CELSR1: variants seen among roughly 807,000 people sequenced by gnomAD.
CELSR1 encodes cadherin EGF LAG seven-pass G-type receptor 1.
A neutral mutation model predicts 249.1 loss-of-function variants in CELSR1; 110 were observed. That is an observed-to-expected ratio of 0.44 (90% CI 0.38 to 0.52). The LOEUF is 0.52. CELSR1 is among the 20% of genes least tolerant of loss of function. The probability of loss-of-function intolerance (pLI) is 0.00; values close to 1 mark genes in which losing one functional copy is unlikely to be tolerated. For missense variants in CELSR1, 4,109 were observed against 4,296.4 expected (o/e 0.96, Z 1.22); for synonymous variants, 2,113 against 1,900.0 (o/e 1.11, Z -2.92).
In CELSR1 at chr22:46,488,907, C is replaced by A. The variant is rs2080341755; in HGVS notation, c.3545-24562G>T. 6.6e-6 allele frequency among the ~76,000 whole-genome samples: 1 copy of A among 151,912 alleles called. No homozygotes were observed. Among genetic ancestry groups the A allele is most frequent in the Non-Finnish European group, 1.5e-5 (1 of 67,992 alleles). ...ATCTCCTGACCTCATGATCCGCCTG[C>A]CTCGGCTTCCCAAAGTGTTGGGATT... On this transcript the variant is annotated intron_variant, in intron 1 of 34. Transcript: ENST00000674500. The surrounding 1 kb of genome is among the most constrained non-coding windows in gnomAD (Gnocchi z 4.7).
intron 1 of CELSR1, among the ~76,000 whole-genome samples, chr22:46,486,691 A>G (rs1401931560): frequency 6.6e-6 from 1 of 151,806 alleles, no homozygotes; most frequent in East Asian, 1.9e-4. Context: ...AAAAATACAA[A>G]AATTAGCCGG....
rs1368398071 is a variant in CELSR1, at chr22:46,380,244, C to G, written c.7256+544G>C. 6.6e-6 allele frequency among the ~76,000 whole-genome samples: 1 copy of G among 152,234 alleles called. No homozygotes were observed. Among genetic ancestry groups the G allele is most frequent in the African/African-American group, 2.4e-5 (1 of 41,460 alleles). On this transcript the variant is annotated intron_variant, in intron 22 of 34. Transcript: ENST00000674500. The surrounding 1 kb of genome is among the most constrained non-coding windows in gnomAD (Gnocchi z 5.1). ...CGCACAGATTCTCCTGCGTTCGCCA[C>G]TCTGTGACTCTCTGACGCTGCTTCT...
At position 46,409,398 on chromosome 22, in the gene CELSR1, A is replaced by G. The variant is rs1197976711; in HGVS notation, c.5060-236T>C. 6.6e-6 allele frequency among the ~76,000 whole-genome samples: 1 copy of G among 152,140 alleles called. No homozygotes were observed. The highest frequency in any genetic ancestry group is 1.5e-5 in the Non-Finnish European group (1 of 68,016). On this transcript the variant is annotated intron_variant, in intron 8 of 34. Coordinates refer to ENST00000674500, the MANE Select transcript of CELSR1 (RefSeq NM_001378328.1). The surrounding 1 kb of genome is among the most constrained non-coding windows in gnomAD (Gnocchi z 9.8). ...CTTGCTGGGAAGCATGAAGATCTGC[A>G]GGCTCCCAGCCACAGATGGGCGTGG...
chr22:46,535,215 G>C lies in CELSR1; in HGVS notation c.1956C>G (p.His652Gln). 1 of 1,609,714 alleles carries C rather than the reference G, an allele frequency of 6.2e-7. No individual in the cohort carries two copies. The highest frequency in any genetic ancestry group is 1.1e-5 in the South Asian group (1 of 91,068). Residue 652 changes from histidine (H) to glutamine (Q), a missense_variant, in exon 1 of 35, where the codon CAC (histidine) becomes CAG (glutamine). By Grantham distance (24) the His-to-Gln change is conservative (BLOSUM62 0). Coordinates refer to ENST00000674500, the MANE Select transcript of CELSR1 (RefSeq NM_001378328.1). ...CAELDREEVE[H>Q]YSFGVEAVDH... Reference sequence around the variant, plus strand: ...CCACCGCCTCCACCCCGAAGCTGTAGTGCTCCACCTCCTCGCGGTCCAGCT... The same window carrying C: ...CCACCGCCTCCACCCCGAAGCTGTACTGCTCCACCTCCTCGCGGTCCAGCT...
chr22:46,431,624 G>C (rs2079596623), intron 5 of CELSR1, among the ~76,000 whole-genome samples: 1 of 152,232 alleles, frequency 6.6e-6, no homozygotes, highest in African/African-American at 2.4e-5. Flanking sequence ...CTGGCTGGAA[G>C]GGCACAACAG....
At position 46,380,219 on chromosome 22, in the gene CELSR1, C is replaced by T. The variant is rs975524806; in HGVS notation, c.7256+569G>A. 7.9e-5 allele frequency among the ~76,000 whole-genome samples: 12 copies of T among 152,212 alleles called. No individual in the cohort carries two copies. Among genetic ancestry groups the T allele is most frequent in the East Asian group, 3.9e-4 (2 of 5,194 alleles). On this transcript the variant is annotated intron_variant, in intron 22 of 34. Coordinates refer to ENST00000674500, the MANE Select transcript of CELSR1 (RefSeq NM_001378328.1). This position sits in a 1 kb window ranked among gnomAD's most constrained non-coding sequence, Gnocchi z 5.1. ...ATGGATGCTAGAACACAGATTCTCG[C>T]GCACAGATTCTCCTGCGTTCGCCAC...
rs185446992 is a variant in CELSR1, at chr22:46,449,467, C to A, written c.4184-10056G>T. 2.9e-3 allele frequency among the ~76,000 whole-genome samples: 436 copies of A among 152,250 alleles called. 3 individuals are homozygous for A. Among genetic ancestry groups the A allele is most frequent in the African/African-American group, 0.01 (421 of 41,540 alleles). On this transcript the variant is annotated intron_variant, in intron 2 of 34. Coordinates refer to ENST00000674500, the MANE Select transcript of CELSR1 (RefSeq NM_001378328.1). Reference sequence around the variant, plus strand: ...TCCAACCACCCATCATGCATCAACCCACCCACCCAACTATCCATCATTCAT... The same window carrying A: ...TCCAACCACCCATCATGCATCAACCAACCCACCCAACTATCCATCATTCAT...
At chr22:46,367,546 G>C (rs192998840) in intron 28 of CELSR1, among the ~76,000 whole-genome samples, 183 bp downstream of exon 28, 1 of 152,342 alleles carries the variant, frequency 6.6e-6, no homozygotes, top group African/African-American at 2.4e-5. Flanking sequence ...ACACAGTGGG[G>C]AGGAGGCACC....
chr22:46,439,119 TG>T, intron 3 of CELSR1, 69 bp downstream of exon 3: 1 of 1,389,648 alleles, frequency 7.2e-7, no homozygotes, highest in South Asian at 1.3e-5. Flanking sequence ...TCTAGAGGGA[TG>T]GGGTGCACGG....
At position 46,382,070 on chromosome 22, in the gene CELSR1, T is replaced by G; in HGVS notation, c.6884-20A>C. 1 of 1,497,110 alleles carries G rather than the reference T, an allele frequency of 6.7e-7. No homozygotes were observed. Among genetic ancestry groups the G allele is most frequent in the Non-Finnish European group, 8.9e-7 (1 of 1,120,040 alleles). The allele number at this position is 1,497,110 out of a possible 1,614,324, so 92.7% of individuals were successfully genotyped here. A position where few individuals can be genotyped will look rare whatever the true frequency, so the allele number is the denominator to read the frequency against. ...GGCCTTCTGCAATGTGAGCAGAAGG[T>G]GAGGACTCTGGCAGGAGCACCTGTG... is the stretch of plus-strand genomic sequence containing the variant. On this transcript the variant is annotated intron_variant, in intron 20 of 34. Coordinates refer to ENST00000674500, the MANE Select transcript of CELSR1 (RefSeq NM_001378328.1).
rs74447299 is a variant in CELSR1 at position 46,412,382 on chromosome 22, G to A, written c.4612-623C>T. 0.011 allele frequency among the ~76,000 whole-genome samples: 1,620 copies of A among 152,262 alleles called. 29 individuals are homozygous for A. The highest frequency in any genetic ancestry group is 0.037 in the African/African-American group (1,550 of 41,544). On this transcript the variant is annotated intron_variant, in intron 5 of 34. Coordinates refer to ENST00000674500, the MANE Select transcript of CELSR1 (RefSeq NM_001378328.1). The surrounding 1 kb of genome is among the most constrained non-coding windows in gnomAD (Gnocchi z 4.5). ...CCTGGGGCCCCTCCTGTGAACACCCGCTTCTGCTCTTCTGGGGGTGTCCTC... is the reference window on the plus strand; with the variant it reads ...CCTGGGGCCCCTCCTGTGAACACCCACTTCTGCTCTTCTGGGGGTGTCCTC...
Position 46,362,494 on chromosome 22 carries a change from C to G in CELSR1, c.*729G>C, listed in dbSNP as rs765480656. The G allele has an allele frequency of 6.6e-6, 1 of 152,548 alleles. No homozygotes were observed. The highest frequency in any genetic ancestry group is 2.4e-5 in the African/African-American group (1 of 41,472). 9.4% of individuals were successfully genotyped at this position (152,548 alleles called of 1,614,324 possible). On this transcript the variant is annotated 3_prime_UTR_variant, in exon 35 of 35. Coordinates refer to ENST00000674500, the MANE Select transcript of CELSR1 (RefSeq NM_001378328.1). The stretch of plus-strand genomic sequence containing the variant: ...CGAAGGCAGCTGTAGGGCTTCTAGC[C>G]GCTTGGTTTTAGCCCCACTGCTGAC...
At chr22:46,418,246 C>T (rs899414581) in intron 5 of CELSR1, among the ~76,000 whole-genome samples, 5 of 152,104 alleles carry the variant, frequency 3.3e-5, no homozygotes, top group African/African-American at 4.8e-5. Flanking sequence ...TTTGGGAGGC[C>T]GAGGTGGGCG....
At chr22:46,452,286 G>A (rs1238217031) in intron 2 of CELSR1, among the ~76,000 whole-genome samples, 1 of 152,142 alleles carries the variant, frequency 6.6e-6, no homozygotes, top group Non-Finnish European at 1.5e-5. Context: ...CACAGACCTG[G>A]AGCCACGGGA....
intron 26 of CELSR1, 110 bp downstream of exon 26, chr22:46,369,582 G>A (rs1196328544): frequency 2.1e-6 from 2 of 950,332 alleles, no homozygotes; most frequent in East Asian, 5.2e-5. Flanking sequence ...GGCCCTTCCT[G>A]CCCCCCGTCG....
rs768700490 is a variant in CELSR1 at position 46,535,660 on chromosome 22, G to A, written c.1511C>T (p.Ala504Val). ...CAGCGAGTGCAGGTAGAACTGGCCGGCCACGTTCCCGCTGAGGATGCTGTA... is the reference window on the plus strand; with the variant it reads ...CAGCGAGTGCAGGTAGAACTGGCCGACCACGTTCCCGCTGAGGATGCTGTA... ...IHYSILSGNV[A>V]GQFYLHSLSG... The change falls in exon 1 of 35, where the codon GCC becomes GTC. Residue 504 changes from alanine to valine, a missense_variant. Ala to Val is a moderately conservative substitution (Grantham distance 64, BLOSUM62 0). Around this residue, in one of 7 missense-constraint regions of CELSR1, gnomAD observed 135 missense variants for 190.0 expected, o/e 0.71. Transcript: ENST00000674500. 88 of 1,613,132 alleles carry A rather than the reference G, an allele frequency of 5.5e-5. No homozygotes were observed. The highest frequency in any genetic ancestry group is 2.1e-4 in the African/African-American group (16 of 74,938).
Position 46,377,216 on chromosome 22 carries a change from A to G in CELSR1, c.7429T>C (p.Ser2477Pro), listed in dbSNP as rs1299267354. ...PLKIVTYAAV[S>P]LSLAALLVAF... ...ACCAGCAGGGCTGCCAGTGACAAGGACACAGCGGCATAGGTGACAATCTTC... is the reference window on the plus strand; with the variant it reads ...ACCAGCAGGGCTGCCAGTGACAAGGGCACAGCGGCATAGGTGACAATCTTC... Residue 2477 changes from serine (S) to proline (P), a missense_variant, in exon 24 of 35, where the codon TCC becomes CCC. Around this residue, in one of 7 missense-constraint regions of CELSR1, gnomAD observed 1,805 missense variants for 1,831.6 expected, o/e 0.99. Coordinates refer to ENST00000674500, the MANE Select transcript of CELSR1 (RefSeq NM_001378328.1). 1.2e-6 allele frequency: 2 copies of G among 1,614,050 alleles called. No homozygotes were observed. The highest frequency in any genetic ancestry group is 1.7e-5 in the Admixed American group (1 of 60,030).
rs569667931 is a variant in CELSR1, at chr22:46,471,591, G to A, written c.3545-7246C>T. On this transcript the variant is annotated intron_variant, in intron 1 of 34. Transcript: ENST00000674500. This position sits in a 1 kb window ranked among gnomAD's most constrained non-coding sequence, Gnocchi z 4.9. ...TCTTGTTTTTTGTAGAGGTGAGGCC[G>A]TGCGATGTTGCCCAGGCTGGTCTCA... Among the ~76,000 whole-genome samples the A allele has an allele frequency of 5.3e-5, 8 of 152,212 alleles. No homozygotes were observed. In the East Asian group the frequency reaches 9.7e-4, roughly 18 times the overall value.
chr22:46,441,481 T>C lies in CELSR1; in HGVS notation c.4184-2070A>G, dbSNP rs1352889304. Among the ~76,000 whole-genome samples, 1 of 152,172 alleles carries C rather than the reference T, an allele frequency of 6.6e-6. No homozygotes were observed. The highest frequency in any genetic ancestry group is 1.5e-5 in the Non-Finnish European group (1 of 68,026). ...ACGCCTCAGTCTGCTTGGGCTGCCA[T>C]AATGAAGCATGAGAGATCGGGGGCT... On this transcript the variant is annotated intron_variant, in intron 2 of 34. Coordinates refer to ENST00000674500, the MANE Select transcript of CELSR1 (RefSeq NM_001378328.1). This position sits in a 1 kb window ranked among gnomAD's most constrained non-coding sequence, Gnocchi z 6.1.
Sources: allele counts gnomAD v4.1 joint callset (sites outside exome capture counted in the v4.1 genomes callset), GRCh38; gene constraint gnomAD v4.1.1; regional missense constraint gnomAD v4.1.1; non-coding constraint Gnocchi (gnomAD v3.1); transcripts MANE v1.5; gene names NCBI Gene and HGNC (gene_info 2026-07-23, HGNC 2026-07-21).